Variants in CHD1L observed in about 807,000 individuals in gnomAD.
The protein encoded by CHD1L is ATP-dependent chromatin remodeler CHD1L.
Under a neutral mutation model 115.9 loss-of-function variants are expected in CHD1L, and 118 were observed. The ratio of observed to expected loss-of-function variants is 1.02; its 90% CI spans 0.88 to 1.19. The LOEUF is 1.19. CHD1L is among the 50% of genes most tolerant of loss of function. The probability of loss-of-function intolerance (pLI) is 0.00; values close to 1 mark genes in which losing one functional copy is unlikely to be tolerated. For synonymous variants in CHD1L, 411 were observed against 387.1 expected, an observed-to-expected ratio of 1.06 and a Z score of -0.72; for missense variants, 1,179 against 1,065.3, an observed-to-expected ratio of 1.11 and a Z score of -1.49.
intron 9 of CHD1L, among the ~76,000 whole-genome samples, chr1:147,268,391 T>G (rs1163123466): frequency 6.6e-6 from 1 of 152,186 alleles, no homozygotes; most frequent in African/African-American, 2.4e-5. Context: ...GTTTAAAGAT[T>G]GCACAAAATC....
intron 1 of CHD1L, among the ~76,000 whole-genome samples, chr1:147,248,471 G>C (rs587637660): frequency 6.6e-6 from 1 of 152,114 alleles, no homozygotes; most frequent in Admixed American, 6.5e-5. Flanking sequence ...GCCTCCCAAA[G>C]TGCTGGGATT....
rs369368487 is a variant in CHD1L, at chr1:147,285,454, A to G, written c.1985A>G (p.Lys662Arg). 49 of 1,613,464 alleles carry G rather than the reference A, an allele frequency of 3.0e-5. No individual in the cohort carries two copies. Among genetic ancestry groups the G allele is most frequent in the South Asian group, 1.5e-4 (14 of 90,988 alleles). ...AKRRRLIEEKKRQKEEAEHKK... is the reference protein window; with the variant it reads ...AKRRRLIEEKRRQKEEAEHKK... ...AGAAGGAGACTCATAGAGGAGAAGA[A>G]GAGGCAAAAGGAAGAGGCTGAACAT... Residue 662 changes from lysine (K) to arginine (R), a missense_variant, in exon 17 of 23, where the codon AAG becomes AGG. Coordinates refer to ENST00000369258, the MANE Select transcript of CHD1L (RefSeq NM_004284.6).
At chr1:147,187,385 G>T in the CHD1L span, 1 of 636,902 alleles carries the variant, frequency 1.6e-6, no homozygotes, top group Non-Finnish European at 2.7e-6. Flanking sequence ...TAAAACATTG[G>T]TCACTGTCCT....
At chr1:147,193,819 G>A in the CHD1L span, among the ~76,000 whole-genome samples, 1 of 152,118 alleles carries the variant, frequency 6.6e-6, no homozygotes, top group African/African-American at 2.4e-5. Context: ...GAGTGGTTTT[G>A]AGTGAGTTTT....
At position 147,242,686 on chromosome 1, in the gene CHD1L, G is replaced by C; in HGVS notation, c.-18G>C. Reference sequence around the variant, plus strand: ...AGGTGCGCGCTTGGCCGCGCGGGGCGGGGCCTCTACCGGCCCGATGGAGCG... The same window carrying C: ...AGGTGCGCGCTTGGCCGCGCGGGGCCGGGCCTCTACCGGCCCGATGGAGCG... On this transcript the variant is annotated 5_prime_UTR_variant, in exon 1 of 23. Coordinates refer to ENST00000369258, the MANE Select transcript of CHD1L (RefSeq NM_004284.6). 1 of 1,264,296 alleles carries C rather than the reference G, an allele frequency of 7.9e-7. No homozygotes were observed. The highest frequency in any genetic ancestry group is 1.0e-6 in the Non-Finnish European group (1 of 1,002,490). The allele number at this position is 1,264,296 out of a possible 1,614,324, so 78.3% of individuals were successfully genotyped here.
chr1:147,267,290 A>AATAC (rs1674303628), intron 8 of CHD1L, 136 bp from the exon 9 acceptor site: 5 of 550,580 alleles, frequency 9.1e-6, no homozygotes, highest in Non-Finnish European at 9.4e-6. Flanking sequence ...CAATTCAGTG[A>AATAC]AATTTGGGAG....
intron 17 of CHD1L, 72 bp downstream of exon 17, chr1:147,285,559 A>G: frequency 7.0e-7 from 1 of 1,424,128 alleles, no homozygotes. Flanking sequence ...CCACAGTTGA[A>G]TATCACTTTA....
the CHD1L span, among the ~76,000 whole-genome samples, chr1:147,193,266 G>A: frequency 0.037 from 5,626 of 151,992 alleles, 157 homozygotes; most frequent in South Asian, 0.095. Flanking sequence ...GAATTTATCC[G>A]TTTCTTCTAG....
chr1:147,272,630 G>C (rs782756505), intron 12 of CHD1L, among the ~76,000 whole-genome samples: 2 of 152,130 alleles, frequency 1.3e-5, no homozygotes, highest in African/African-American at 4.8e-5. Context: ...TGGGAAATAA[G>C]GTAACAGTTT....
the CHD1L span, among the ~76,000 whole-genome samples, chr1:147,236,029 G>A: frequency 1.2e-3 from 176 of 152,290 alleles, no homozygotes; most frequent in African/African-American, 4.2e-3. Context: ...AGAGAGGGGT[G>A]TGTGAGCAAA....
chr1:147,280,138 T>A lies in CHD1L; in HGVS notation c.1652T>A (p.Val551Asp). The change falls in exon 15 of 23, where the codon GTC (valine) becomes GAC (aspartate). Residue 551 changes from valine (V) to aspartate (D), a missense_variant. Val to Asp is a radical substitution (Grantham distance 152, BLOSUM62 -3). Transcript: ENST00000369258. ...GGAGAAACAAAAGATGGCCAGTGGG[T>A]CTCTGATGCCTTGCCTGCAGCAGAA... ...ILGETKDGQW[V>D]SDALPAAEGG... 1 of 1,613,308 alleles carries A rather than the reference T, an allele frequency of 6.2e-7. No individual in the cohort carries two copies.
the CHD1L span, chr1:147,223,404 T>C: frequency 6.6e-6 from 1 of 152,252 alleles, no homozygotes; most frequent in Admixed American, 6.5e-5. Context: ...AACTAAGAAA[T>C]GCTATAAAGC....
the CHD1L span, among the ~76,000 whole-genome samples, chr1:147,230,186 CA>C: frequency 2.3e-5 from 2 of 88,038 alleles, no homozygotes; most frequent in African/African-American, 7.8e-5. Context: ...TATGTCCCAT[CA>C]GTACTTAATT....
chr1:147,230,628 C>T, the CHD1L span, among the ~76,000 whole-genome samples: 1 of 127,234 alleles, frequency 7.9e-6, no homozygotes, highest in African/African-American at 3.5e-5. Flanking sequence ...GGCTGTGAAT[C>T]CATCTGGTCC....
upstream of CHD1L, among the ~76,000 whole-genome samples, chr1:147,240,541 TA>T (rs1664753170): frequency 6.6e-6 from 1 of 151,790 alleles, no homozygotes; most frequent in African/African-American, 2.4e-5. Flanking sequence ...GGAGGATTAG[TA>T]AAAGAGAAAG....
chr1:147,183,904 A>G, the CHD1L span, among the ~76,000 whole-genome samples: 2 of 152,204 alleles, frequency 1.3e-5, no homozygotes, highest in African/African-American at 4.8e-5. Context: ...CATATCATAA[A>G]TTTGCTAGTG....
At chr1:147,233,081 C>T in the CHD1L span, among the ~76,000 whole-genome samples, 1 of 151,242 alleles carries the variant, frequency 6.6e-6, no homozygotes, top group African/African-American at 2.4e-5. Context: ...CGCCCATCGT[C>T]TGAGATGTGG....
the CHD1L span, chr1:147,178,190 A>T: frequency 1.2e-6 from 2 of 1,612,238 alleles, no homozygotes; most frequent in Non-Finnish European, 1.7e-6. Flanking sequence ...GCTGCCTCCG[A>T]CGTGCTAGGA....
intron 16 of CHD1L, 92 bp downstream of exon 16, chr1:147,284,591 A>G: frequency 8.6e-7 from 1 of 1,161,526 alleles, no homozygotes; most frequent in Non-Finnish European, 1.2e-6. Context: ...TTGTTCTCTT[A>G]GGATGATTTG....
Sources: gnomAD v4.1 joint callset for allele counts (sites outside exome capture counted in the v4.1 genomes callset) on GRCh38, gnomAD v4.1.1 for gene constraint, MANE v1.5 for transcripts, NCBI Gene and HGNC (gene_info 2026-07-23, HGNC 2026-07-21) for gene names.